Variants in SPAG1 observed in about 807,000 individuals in gnomAD.
SPAG1 encodes the protein sperm associated antigen 1, also known as sperm-associated antigen 1.
A neutral mutation model predicts 100.5 loss-of-function variants in SPAG1; 69 were observed. The observed-to-expected ratio is 0.69, with a 90% CI of 0.57 to 0.84. The LOEUF (loss-of-function observed/expected upper bound fraction) is 0.84. Among genes scored for constraint, SPAG1 ranks in the 40% least tolerant of loss-of-function variants. SPAG1 has a pLI of 0.00. For synonymous variants in SPAG1, 336 were observed against 411.6 expected (o/e 0.82, Z 2.22); for missense variants, 955 against 1,133.1 (o/e 0.84, Z 2.26).
At chr8:100,237,194 C>T (rs1819046083) in intron 16 of SPAG1, among the ~76,000 whole-genome samples, 2 of 152,186 alleles carry the variant, frequency 1.3e-5, no homozygotes, top group East Asian at 1.9e-4. Context: ...AATTCTCCTG[C>T]TTCAGCCTCC....
intron 13 of SPAG1, among the ~76,000 whole-genome samples, chr8:100,223,021 G>A (rs1174199516): frequency 6.6e-6 from 1 of 152,132 alleles, no homozygotes; most frequent in Non-Finnish European, 1.5e-5. Flanking sequence ...ATCATATATG[G>A]CCTTTTGTGT....
intron 10 of SPAG1, among the ~76,000 whole-genome samples, chr8:100,212,506 A>C (rs542052016): frequency 6.6e-6 from 1 of 152,244 alleles, no homozygotes; most frequent in Admixed American, 6.5e-5. Flanking sequence ...TTTAGTTTGA[A>C]TAAGGCAATG....
rs1816096395 is a variant in SPAG1 at position 100,176,018 on chromosome 8, T to TG, written c.301-1797dup. Among the ~76,000 whole-genome samples, 3 of 152,324 alleles carry TG rather than the reference T, an allele frequency of 2.0e-5. No homozygotes were observed. In the South Asian group the frequency reaches 6.2e-4, roughly 32 times the overall value. On this transcript the variant is annotated intron_variant, in intron 3 of 18. Coordinates refer to ENST00000388798, the MANE Select transcript of SPAG1 (RefSeq NM_003114.5). ...TGCCTTAAATCCTGGTGCTTGCTTC[T>TG]GTTCCTTACTAATAAATATCCTTTG...
intron 10 of SPAG1, among the ~76,000 whole-genome samples, chr8:100,197,485 T>A (rs1470769613): frequency 1.3e-5 from 2 of 152,168 alleles, no homozygotes; most frequent in African/African-American, 2.4e-5. Context: ...AAGTTACATA[T>A]CAAACAGTCA....
chr8:100,198,810 G>A (rs1817143280), intron 10 of SPAG1, among the ~76,000 whole-genome samples: 1 of 152,026 alleles, frequency 6.6e-6, no homozygotes, highest in South Asian at 2.1e-4. Flanking sequence ...CCTGGCCCCT[G>A]GCAACCACTA....
At chr8:100,164,737 A>C (rs1815473177) in intron 2 of SPAG1, among the ~76,000 whole-genome samples, 1 of 152,222 alleles carries the variant, frequency 6.6e-6, no homozygotes, top group Non-Finnish European at 1.5e-5. Context: ...ATAAAAATTT[A>C]ATATAGTTAA....
intron 15 of SPAG1, among the ~76,000 whole-genome samples, chr8:100,231,634 G>C (rs1818771090): frequency 6.6e-6 from 1 of 152,194 alleles, no homozygotes; most frequent in Admixed American, 6.5e-5. Flanking sequence ...GCATTGTCCA[G>C]TGTGGGAGGA....
intron 10 of SPAG1, among the ~76,000 whole-genome samples, chr8:100,203,815 T>C (rs1817391290): frequency 6.6e-6 from 1 of 152,136 alleles, no homozygotes; most frequent in Non-Finnish European, 1.5e-5. Flanking sequence ...TTATCTCCTG[T>C]AGAGAAAGAG....
At position 100,231,259 on chromosome 8, in the gene SPAG1, C is replaced by T; in HGVS notation, c.1959C>T (p.Asn653=). 1 of 1,595,796 alleles carries T rather than the reference C, an allele frequency of 6.3e-7. No homozygotes were observed. Among genetic ancestry groups the T allele is most frequent in the Non-Finnish European group, 8.6e-7 (1 of 1,168,172 alleles). The change falls in exon 15 of 19, where the codon AAC becomes AAT. Residue 653 remains asparagine (N), a synonymous_variant. Transcript: ENST00000388798. ...AATACAGCGAATGCTTAAAGATTAA[C>T]AATAAGGAATGTGCCATATATACAA... ...LSKYSECLKI[N]NKECAIYTNR...
At chr8:100,183,069 G>A (rs1051483918) in intron 4 of SPAG1, among the ~76,000 whole-genome samples, 48 of 152,144 alleles carry the variant, frequency 3.2e-4, no homozygotes, top group Middle Eastern at 6.8e-3. Context: ...CACCTCCCAG[G>A]TTCAAGCAAT....
intron 10 of SPAG1, among the ~76,000 whole-genome samples, chr8:100,206,372 A>G (rs1275782788): frequency 6.6e-6 from 1 of 152,234 alleles, no homozygotes; most frequent in African/African-American, 2.4e-5. Context: ...TCAGGGGTAT[A>G]TCAACTCTGC....
At chr8:100,219,323 A>T (rs1048524867) in intron 12 of SPAG1, among the ~76,000 whole-genome samples, 2 of 152,364 alleles carry the variant, frequency 1.3e-5, no homozygotes, top group Middle Eastern at 3.4e-3. Context: ...AGTTGAAAGA[A>T]TAAATCCACC....
At chr8:100,201,808 G>A (rs973186228) in intron 10 of SPAG1, among the ~76,000 whole-genome samples, 28 of 152,152 alleles carry the variant, frequency 1.8e-4, no homozygotes, top group African/African-American at 6.3e-4. Context: ...TTTTCCTTCC[G>A]ATAGCTGAAC....
At position 100,231,803 on chromosome 8, in the gene SPAG1, C is replaced by CA. The variant is rs1030835586; in HGVS notation, c.1988+524dup. Among the ~76,000 whole-genome samples the CA allele has an allele frequency of 1.4e-3, 206 of 151,144 alleles. 1 individual carries two copies. The highest frequency in any genetic ancestry group is 0.013 in the East Asian group (67 of 5,142). Reference sequence around the variant, plus strand: ...TGAAACCCCGTCTCTACTAAAAATACAAAAAAAAATTAGCCAGGCGCAGCG... The same window carrying CA: ...TGAAACCCCGTCTCTACTAAAAATACAAAAAAAAAATTAGCCAGGCGCAGCG... On this transcript the variant is annotated intron_variant, in intron 15 of 18. Transcript: ENST00000388798.
chr8:100,213,964 A>G (rs773914567), intron 12 of SPAG1, 46 bp downstream of exon 12: 2 of 1,076,850 alleles, frequency 1.9e-6, no homozygotes, highest in African/African-American at 1.6e-5. Context: ...TTATAATTTC[A>G]TTATGGTGAA....
chr8:100,184,579 A>T, intron 6 of SPAG1, 49 bp from the exon 7 acceptor site: 1 of 989,440 alleles, frequency 1.0e-6, no homozygotes, highest in Non-Finnish European at 1.5e-6. Context: ...AACTTGAAAA[A>T]TTCTGTTAAA....
At chr8:100,158,833 G>A (rs1376294924) in intron 1 of SPAG1, 1 of 152,002 alleles carries the variant, frequency 6.6e-6, no homozygotes, top group Non-Finnish European at 1.5e-5. Flanking sequence ...AAGAAAAAAA[G>A]AGAATCCTTT....
In SPAG1 at chr8:100,240,683, T is replaced by C. The variant is rs2132447595; in HGVS notation, c.2561T>C (p.Ile854Thr). The C allele has an allele frequency of 1.2e-6, 2 of 1,614,056 alleles. No homozygotes were observed. The highest frequency in any genetic ancestry group is 1.7e-6 in the Non-Finnish European group (2 of 1,179,954). ...KLEGDTFLLLIQSLKNNLIEK... is the reference protein window; with the variant it reads ...KLEGDTFLLLTQSLKNNLIEK... ...GAAGGGGATACATTCCTTCTCCTCATTCAGTCTCTGAAAAATAATCTTATT... is the reference window on the plus strand; with the variant it reads ...GAAGGGGATACATTCCTTCTCCTCACTCAGTCTCTGAAAAATAATCTTATT... The change falls in exon 18 of 19, where the codon ATT becomes ACT. Residue 854 changes from isoleucine to threonine, a missense_variant. By Grantham distance (89) the Ile-to-Thr change is moderately conservative. Coordinates refer to ENST00000388798, the MANE Select transcript of SPAG1 (RefSeq NM_003114.5).
chr8:100,192,313 T>G (rs966829894), intron 9 of SPAG1, among the ~76,000 whole-genome samples: 3 of 152,152 alleles, frequency 2.0e-5, no homozygotes, highest in Non-Finnish European at 4.4e-5. Context: ...AGAGTGAGAC[T>G]CCATCTCAAA....
Sources: gnomAD v4.1 joint callset for allele counts (sites outside exome capture counted in the v4.1 genomes callset) on GRCh38, gnomAD v4.1.1 for gene constraint, MANE v1.5 for transcripts, NCBI Gene and HGNC (gene_info 2026-07-23, HGNC 2026-07-21) for gene names.